The following KIAA2012 variants were observed in gnomAD, a reference collection of about 807,000 sequenced individuals.
KIAA2012 encodes the protein KIAA2012.
A neutral mutation model predicts 150.6 loss-of-function variants in KIAA2012; 125 were observed. The ratio of observed to expected loss-of-function variants is 0.83; its 90% CI spans 0.72 to 0.96. The LOEUF (loss-of-function observed/expected upper bound fraction) is 0.96. KIAA2012 is among the 40% of genes least tolerant of loss of function. KIAA2012 has a pLI of 0.00. For synonymous variants in KIAA2012, 462 were observed against 504.7 expected (o/e 0.92, Z 1.13); for missense variants, 1,219 against 1,354.9 (o/e 0.90, Z 1.57).
intron 23 of KIAA2012, among the ~76,000 whole-genome samples, chr2:202,202,906 GAC>G (rs1403774840): frequency 6.6e-6 from 1 of 151,012 alleles, no homozygotes; most frequent in African/African-American, 2.4e-5. Context: ...CAGCCTGGGT[GAC>G]AGAGTGGGAC....
intron 11 of KIAA2012, among the ~76,000 whole-genome samples, chr2:202,119,697 A>G (rs1233126419): frequency 1.3e-5 from 2 of 152,134 alleles, no homozygotes; most frequent in Non-Finnish European, 2.9e-5. Flanking sequence ...CACTAGAGCT[A>G]TGTGACAATT....
chr2:202,073,295 A>C lies in KIAA2012; in HGVS notation c.-333A>C, dbSNP rs1346643809. On this transcript the variant is annotated 5_prime_UTR_variant, in exon 1 of 24. Coordinates refer to ENST00000498697, the MANE Select transcript of KIAA2012 (RefSeq NM_001277372.4). ...TGCTGTGGCCGAGATCTGTAGATGCACACGGCTGGTAACAGAGCAACCGGG... is the reference window on the plus strand; with the variant it reads ...TGCTGTGGCCGAGATCTGTAGATGCCCACGGCTGGTAACAGAGCAACCGGG... 1.1e-4 allele frequency: 26 copies of C among 234,740 alleles called. No homozygotes were observed. Among genetic ancestry groups the C allele is most frequent in the Non-Finnish European group, 8.4e-6 (1 of 119,290 alleles). 14.5% of individuals were successfully genotyped at this position (234,740 alleles called of 1,614,324 possible).
At chr2:202,184,332 G>A (rs35052652) in intron 15 of KIAA2012, among the ~76,000 whole-genome samples, 15,043 of 150,790 alleles carry the variant, frequency 0.1, 971 homozygotes, top group Non-Finnish European at 0.13. Context: ...TGCACTGACC[G>A]GAGATCACGC....
chr2:202,138,518 T>G lies in KIAA2012; in HGVS notation c.1908+10T>G, dbSNP rs1691131651. On this transcript the variant is annotated intron_variant, in intron 13 of 23. Transcript: ENST00000498697. ...AACAACAGAGAAGCAGGTATAGTATTGACTCTGAATGAGGATGACACTAGG... is the reference window on the plus strand; with the variant it reads ...AACAACAGAGAAGCAGGTATAGTATGGACTCTGAATGAGGATGACACTAGG... 1 of 1,540,614 alleles carries G rather than the reference T, an allele frequency of 6.5e-7. No individual in the cohort carries two copies. The highest frequency in any genetic ancestry group is 1.4e-5 in the African/African-American group (1 of 72,796).
chr2:202,138,859 A>T (rs945713155), intron 13 of KIAA2012, among the ~76,000 whole-genome samples: 1 of 152,204 alleles, frequency 6.6e-6, no homozygotes, highest in Non-Finnish European at 1.5e-5. Context: ...GTAATTAGAG[A>T]TAAACATTAG....
chr2:202,086,656 T>G (rs1444309516), intron 2 of KIAA2012, among the ~76,000 whole-genome samples: 6 of 152,220 alleles, frequency 3.9e-5, no homozygotes, highest in African/African-American at 1.4e-4. Context: ...GCTGTATGTT[T>G]GAATTCTAAG....
chr2:202,125,153 G>A lies in KIAA2012; in HGVS notation c.1763-61G>A, dbSNP rs1009526944. 11 of 1,320,498 alleles carry A rather than the reference G, an allele frequency of 8.3e-6. No individual in the cohort carries two copies. The South Asian group carries it at 1.1e-4, about 14-fold the overall frequency. The allele number at this position is 1,320,498 out of a possible 1,614,324, so 81.8% of individuals were successfully genotyped here. A position where few individuals can be genotyped will look rare whatever the true frequency, so the allele number is the denominator to read the frequency against. The stretch of plus-strand genomic sequence containing the variant: ...CATGTTTTCCCCTGTCTTCGGATAA[G>A]GGAATAAATTTTTACAAGACTTTTT... On this transcript the variant is annotated intron_variant, in intron 11 of 23. Coordinates refer to ENST00000498697, the MANE Select transcript of KIAA2012 (RefSeq NM_001277372.4).
Position 202,093,027 on chromosome 2 carries a change from C to G in KIAA2012, c.530-3C>G. On this transcript the variant is annotated splice_polypyrimidine_tract_variant and splice_region_variant and intron_variant, in intron 3 of 23. Coordinates refer to ENST00000498697, the MANE Select transcript of KIAA2012 (RefSeq NM_001277372.4). ...TATCAATATCTCCTGATCTACTCTT[C>G]AGGATACATCAAGGATTCTGTGCTA... 6.5e-7 allele frequency: 1 copy of G among 1,550,068 alleles called. No homozygotes were observed. Among genetic ancestry groups the G allele is most frequent in the Non-Finnish European group, 8.7e-7 (1 of 1,146,694 alleles).
intron 12 of KIAA2012, among the ~76,000 whole-genome samples, chr2:202,132,302 G>C (rs942498943): frequency 6.6e-6 from 1 of 152,162 alleles, no homozygotes; most frequent in African/African-American, 2.4e-5. Context: ...TGTAGAGACT[G>C]GATTGGAAGA....
rs770781103 is a variant in KIAA2012 at position 202,188,169 on chromosome 2, C to G, written c.2394C>G (p.Asn798Lys). ...ANISHERDLI[N>K]EAKRKEKPKK... ...ACCTTTAGGAGAGGGATTTGATTAA[C>G]GAGGCCAAGAGAAAGGAAAAACCCA... Residue 798 changes from asparagine (N) to lysine (K), a missense_variant, in exon 18 of 24, where the codon AAC becomes AAG. By Grantham distance (94) the Asn-to-Lys change is moderately conservative. Transcript: ENST00000498697. The G allele has an allele frequency of 1.2e-5, 18 of 1,550,078 alleles. No homozygotes were observed. Among genetic ancestry groups the G allele is most frequent in the Non-Finnish European group, 1.6e-5 (18 of 1,146,812 alleles).
intron 2 of KIAA2012, among the ~76,000 whole-genome samples, chr2:202,080,661 A>T (rs1308735978): frequency 6.8e-6 from 1 of 146,634 alleles, no homozygotes; most frequent in African/African-American, 2.5e-5. Flanking sequence ...ATGCCATTGC[A>T]CTCCAAACTG....
chr2:202,087,007 G>C (rs1274133050), intron 2 of KIAA2012, among the ~76,000 whole-genome samples: 1 of 152,138 alleles, frequency 6.6e-6, no homozygotes, highest in African/African-American at 2.4e-5. Flanking sequence ...GATTACCAAT[G>C]GTTGAAGTTG....
intron 12 of KIAA2012, among the ~76,000 whole-genome samples, chr2:202,132,802 A>ATATATATAT (rs1473790947): frequency 2.1e-5 from 2 of 94,684 alleles, no homozygotes; most frequent in African/African-American, 7.3e-5. Context: ...ATATATATAT[A>ATATATATAT]TTTTTTTTTT....
intron 14 of KIAA2012, among the ~76,000 whole-genome samples, chr2:202,163,261 G>A (rs988503892): frequency 8.6e-5 from 13 of 151,446 alleles, no homozygotes; most frequent in South Asian, 2.1e-4. Flanking sequence ...ATGCCACCAC[G>A]CCTGGCTAAT....
intron 15 of KIAA2012, among the ~76,000 whole-genome samples, chr2:202,177,900 A>C (rs926205211): frequency 3.9e-5 from 6 of 152,216 alleles, no homozygotes; most frequent in African/African-American, 1.4e-4. Context: ...TGATTTCTTT[A>C]GAAAATGCAT....
At chr2:202,157,467 G>C (rs1216518760) in intron 14 of KIAA2012, among the ~76,000 whole-genome samples, 1 of 152,110 alleles carries the variant, frequency 6.6e-6, no homozygotes, top group East Asian at 1.9e-4. Flanking sequence ...AGGGGATGAG[G>C]GTAGGTGATA....
intron 13 of KIAA2012, among the ~76,000 whole-genome samples, chr2:202,147,377 G>A (rs1691323482): frequency 6.6e-6 from 1 of 152,204 alleles, no homozygotes; most frequent in South Asian, 2.1e-4. Flanking sequence ...GGGAGGCAGG[G>A]AATTTGGGGG....
At chr2:202,082,705 A>G (rs1279849522) in intron 2 of KIAA2012, among the ~76,000 whole-genome samples, 2 of 152,092 alleles carry the variant, frequency 1.3e-5, no homozygotes, top group Non-Finnish European at 2.9e-5. Context: ...GCCAAACTCA[A>G]TGCCATGAAG....
intron 18 of KIAA2012, among the ~76,000 whole-genome samples, chr2:202,189,582 G>A (rs1239755249): frequency 1.3e-5 from 2 of 151,856 alleles, no homozygotes; most frequent in African/African-American, 4.8e-5. Context: ...GAGCCACCAC[G>A]CCCGGCTGAA....
Sources: gnomAD v4.1 joint callset for allele counts (sites outside exome capture counted in the v4.1 genomes callset) on GRCh38, gnomAD v4.1.1 for gene constraint, MANE v1.5 for transcripts, NCBI Gene and HGNC (gene_info 2026-07-23, HGNC 2026-07-21) for gene names.